Variants in HERC2 observed in about 807,000 individuals in gnomAD.
The protein encoded by HERC2 is E3 ubiquitin-protein ligase HERC2.
A neutral mutation model predicts 537.7 loss-of-function variants in HERC2; 102 were observed. The ratio of observed to expected loss-of-function variants is 0.19; its 90% CI spans 0.16 to 0.22. The LOEUF (loss-of-function observed/expected upper bound fraction) is 0.22. HERC2 is among the 10% of genes least tolerant of loss of function. The pLI, the probability that HERC2 is intolerant of heterozygous loss-of-function variation, is 1.00. For synonymous variants in HERC2, 2,224 were observed against 2,466.2 expected (o/e 0.90, Z 2.91); for missense variants, 4,236 against 6,198.2 (o/e 0.68, Z 10.63).
At chr15:28,300,106 C>G (rs1209886463) in intron 2 of HERC2, among the ~76,000 whole-genome samples, 1 of 149,416 alleles carries the variant, frequency 6.7e-6, no homozygotes, top group Non-Finnish European at 1.5e-5. Flanking sequence ...CACAAACACA[C>G]ACACGTGCAT....
rs1422207116 is a variant in HERC2, at chr15:28,218,681, A to G, written c.5846-10T>C. 1 of 1,564,760 alleles carries G rather than the reference A, an allele frequency of 6.4e-7. No individual in the cohort carries two copies. Among genetic ancestry groups the G allele is most frequent in the Non-Finnish European group, 8.7e-7 (1 of 1,149,162 alleles). Reference sequence around the variant, plus strand: ...TCAGTTTGTTCGGCTTCTAAAAAAAATAATCAAAATTACAAATTATATTCC... The same window carrying G: ...TCAGTTTGTTCGGCTTCTAAAAAAAGTAATCAAAATTACAAATTATATTCC... On this transcript the variant is annotated splice_polypyrimidine_tract_variant and intron_variant, in intron 37 of 92. Coordinates refer to ENST00000261609, the MANE Select transcript of HERC2 (RefSeq NM_004667.6).
At position 28,177,836 on chromosome 15, in the gene HERC2, T is replaced by C. The variant is rs952066209; in HGVS notation, c.9164-327A>G. On this transcript the variant is annotated intron_variant, in intron 59 of 92. Transcript: ENST00000261609. The surrounding 1 kb of genome is among the most constrained non-coding windows in gnomAD (Gnocchi z 5.0). Reference sequence around the variant, plus strand: ...AGATGAAAAAAGTAAAAATAATTTGTGATTAGACAAAATGTAAAAATAGTG... The same window carrying C: ...AGATGAAAAAAGTAAAAATAATTTGCGATTAGACAAAATGTAAAAATAGTG... 2.0e-5 allele frequency among the ~76,000 whole-genome samples: 3 copies of C among 152,210 alleles called. No individual in the cohort carries two copies. Among genetic ancestry groups the C allele is most frequent in the Admixed American group, 2.0e-4 (3 of 15,286 alleles).
intron 52 of HERC2, among the ~76,000 whole-genome samples, chr15:28,195,932 T>C (rs1448776932): frequency 6.6e-6 from 1 of 152,254 alleles, no homozygotes; most frequent in Non-Finnish European, 1.5e-5. Flanking sequence ...GCCATGCAAC[T>C]AAACACTTAC....
chr15:28,233,034 G>A, intron 30 of HERC2, 112 bp downstream of exon 30: 5 of 768,334 alleles, frequency 6.5e-6, no homozygotes, highest in South Asian at 1.8e-5. Context: ...GCAGCAGGTA[G>A]AAATGTCACA....
At chr15:28,150,187 C>T (rs759247079) in intron 70 of HERC2, among the ~76,000 whole-genome samples, 25 of 151,950 alleles carry the variant, frequency 1.6e-4, no homozygotes, top group Non-Finnish European at 2.6e-4. Context: ...AAAAAACGCA[C>T]GCGGCTGCTA....
At chr15:28,132,027 T>C in intron 81 of HERC2, 73 bp downstream of exon 81, 1 of 1,292,800 alleles carries the variant, frequency 7.7e-7, no homozygotes, top group South Asian at 1.5e-5. Flanking sequence ...AGGCTGTGTT[T>C]TCCCAGAGGG....
chr15:28,177,244 C>T lies in HERC2; in HGVS notation c.9255-117G>A. ...AACACAGGATCCACAGATCAACTAT[C>T]AAAACTTAAAGCAGAACCGGTGAGA... On this transcript the variant is annotated intron_variant, in intron 60 of 92. Transcript: ENST00000261609. The surrounding 1 kb of genome is among the most constrained non-coding windows in gnomAD (Gnocchi z 5.0). 1 of 1,284,880 alleles carries T rather than the reference C, an allele frequency of 7.8e-7. No homozygotes were observed. The highest frequency in any genetic ancestry group is 1.4e-5 in the South Asian group (1 of 69,554). The allele number at this position is 1,284,880 out of a possible 1,614,324, so 79.6% of individuals were successfully genotyped here. A position where few individuals can be genotyped will look rare whatever the true frequency, so the allele number is the denominator to read the frequency against.
intron 2 of HERC2, among the ~76,000 whole-genome samples, chr15:28,316,828 G>A (rs189252569): frequency 9.5e-4 from 144 of 152,270 alleles, no homozygotes; most frequent in African/African-American, 3.3e-3. Flanking sequence ...CCAGGCTGTA[G>A]TGCAGTGGCG....
chr15:28,284,660 C>T (rs148897405), intron 4 of HERC2, among the ~76,000 whole-genome samples: 26 of 152,134 alleles, frequency 1.7e-4, no homozygotes, highest in African/African-American at 3.6e-4. Context: ...CAGTGGCTCA[C>T]GCCTGTAATC....
At chr15:28,136,316 C>CCAAACG (rs1890628386) in intron 78 of HERC2, among the ~76,000 whole-genome samples, 1 of 115,750 alleles carries the variant, frequency 8.6e-6, no homozygotes, top group Non-Finnish European at 2.0e-5. Flanking sequence ...TTCAAACGTG[C>CCAAACG]TGCTGCACTG....
rs1360324947 is a variant in HERC2 at position 28,175,507 on chromosome 15, C to G, written c.9831+5G>C. ...ACGCCACCCCCAGGCCACCTGCAGCCTTACCTGCCCCGAGTCCGTGACCGC... is the reference window on the plus strand; with the variant it reads ...ACGCCACCCCCAGGCCACCTGCAGCGTTACCTGCCCCGAGTCCGTGACCGC... On this transcript the variant is annotated splice_donor_5th_base_variant and intron_variant, in intron 64 of 92. Transcript: ENST00000261609. The G allele has an allele frequency of 1.2e-6, 2 of 1,609,506 alleles. No individual in the cohort carries two copies. The highest frequency in any genetic ancestry group is 1.7e-5 in the Admixed American group (1 of 59,572).
At chr15:28,118,973 TAAG>T (rs1217257956) in intron 86 of HERC2, among the ~76,000 whole-genome samples, 1 of 152,138 alleles carries the variant, frequency 6.6e-6, no homozygotes, top group South Asian at 2.1e-4. Context: ...ATCTGATTCT[TAAG>T]AAGGCCTGAC....
intron 81 of HERC2, among the ~76,000 whole-genome samples, chr15:28,131,185 G>A (rs1387188227): frequency 1.3e-5 from 2 of 152,196 alleles, no homozygotes; most frequent in Admixed American, 6.5e-5. Context: ...ATGAGACAAT[G>A]TGGTAGGGCT....
intron 5 of HERC2, among the ~76,000 whole-genome samples, chr15:28,275,450 G>A (rs1426217177): frequency 6.6e-6 from 1 of 152,220 alleles, no homozygotes; most frequent in South Asian, 2.1e-4. Flanking sequence ...GCTCCTGGCC[G>A]CGGGTGAAGC....
chr15:28,116,768 G>A lies in HERC2; in HGVS notation c.13506C>T (p.Ile4502=), dbSNP rs370614232. ...ELQNGLTPLL[I]VTPNGRDESG... ...ACTCATCCCTCCCGTTGGGTGTCAC[G>A]ATCAGCAGGGGCGTGAGTCCGTTCT... The change falls in exon 88 of 93, where the codon ATC becomes ATT. Residue 4502 remains isoleucine, a synonymous_variant. Transcript: ENST00000261609. 27 of 1,613,604 alleles carry A rather than the reference G, an allele frequency of 1.7e-5. No individual in the cohort carries two copies. The highest frequency in any genetic ancestry group is 1.6e-4 in the Middle Eastern group (1 of 6,082).
chr15:28,214,315 C>T (rs749655741), intron 40 of HERC2, 43 bp from the exon 41 acceptor site: 4 of 1,531,302 alleles, frequency 2.6e-6, no homozygotes, highest in Non-Finnish European at 3.6e-6. Context: ...CCGCTCTTCA[C>T]CAGGGCACAG....
intron 38 of HERC2, among the ~76,000 whole-genome samples, chr15:28,216,808 GAC>G (rs746816681): frequency 2.0e-5 from 3 of 148,394 alleles, no homozygotes; most frequent in African/African-American, 7.5e-5. Flanking sequence ...GATGCAAGCT[GAC>G]ACACACTCCC....
intron 34 of HERC2, 151 bp from the exon 35 acceptor site, chr15:28,228,560 A>G: frequency 1.3e-6 from 1 of 761,360 alleles, no homozygotes; most frequent in Admixed American, 2.2e-5. Flanking sequence ...CGTAACGCAG[A>G]AAGCACGGGC....
rs866650818 is a variant in HERC2, at chr15:28,130,306, C to A, written c.12663-4G>T. 1.2e-6 allele frequency: 2 copies of A among 1,614,104 alleles called. No individual in the cohort carries two copies. Among genetic ancestry groups the A allele is most frequent in the Middle Eastern group, 3.3e-4 (2 of 6,062 alleles). On this transcript the variant is annotated splice_polypyrimidine_tract_variant and splice_region_variant and intron_variant, in intron 82 of 92. Coordinates refer to ENST00000261609, the MANE Select transcript of HERC2 (RefSeq NM_004667.6). ...CCTGTGATAATCGCCTTTGCCCCTG[C>A]ACACAAAGGAAGCATGGAAATTATG...
Sources: allele counts gnomAD v4.1 joint callset (sites outside exome capture counted in the v4.1 genomes callset), GRCh38; gene constraint gnomAD v4.1.1; non-coding constraint Gnocchi (gnomAD v3.1); transcripts MANE v1.5; gene names NCBI Gene and HGNC (gene_info 2026-07-23, HGNC 2026-07-21).